Variants in PWP1 observed in about 807,000 individuals in gnomAD.
The protein encoded by PWP1 is PWP1 homolog, endonuclein.
A neutral mutation model predicts 69.9 loss-of-function variants in PWP1; 47 were observed. The ratio of observed to expected loss-of-function variants is 0.67; its 90% CI spans 0.53 to 0.86. The LOEUF (loss-of-function observed/expected upper bound fraction) is 0.86, where lower values mean the gene tolerates loss of function less well. Ranked by LOEUF, PWP1 falls within the 40% of genes least tolerant of loss-of-function variation. The probability of loss-of-function intolerance (pLI) is 0.00; values close to 1 mark genes in which losing one functional copy is unlikely to be tolerated. For missense variants in PWP1, 551 were observed against 608.8 expected, an observed-to-expected ratio of 0.91 and a Z score of 1.00; for synonymous variants, 222 against 208.2, an observed-to-expected ratio of 1.07 and a Z score of -0.57.
At chr12:107,703,940 T>C (rs1306501669) in intron 10 of PWP1, among the ~76,000 whole-genome samples, 194 bp downstream of exon 10, 1 of 152,254 alleles carries the variant, frequency 6.6e-6, no homozygotes, top group Non-Finnish European at 1.5e-5. Context: ...CATAATAATA[T>C]AACTGTAGGA....
chr12:107,703,518 C>T (rs573865603), intron 9 of PWP1, among the ~76,000 whole-genome samples, 167 bp from the exon 10 acceptor site: 250 of 152,188 alleles, frequency 1.6e-3, no homozygotes, highest in Non-Finnish European at 2.4e-3. Flanking sequence ...TATGTGGGAG[C>T]ATGGTTTGCC....
chr12:107,709,458 T>G (rs1418168065), intron 13 of PWP1, among the ~76,000 whole-genome samples: 1 of 152,038 alleles, frequency 6.6e-6, no homozygotes, highest in Non-Finnish European at 1.5e-5. Flanking sequence ...TGATTAACAG[T>G]TGCTTGGTAA....
At chr12:107,706,364 A>G (rs1889824120) in intron 11 of PWP1, among the ~76,000 whole-genome samples, 1 of 152,136 alleles carries the variant, frequency 6.6e-6, no homozygotes, top group East Asian at 1.9e-4. Context: ...CTCTGATGGT[A>G]GTTTCTTTTG....
intron 5 of PWP1, among the ~76,000 whole-genome samples, chr12:107,693,313 AT>A (rs935487870): frequency 7.9e-5 from 12 of 151,996 alleles, no homozygotes; most frequent in African/African-American, 2.9e-4. Context: ...ATGGAAATAA[AT>A]CCCCTGGAAA....
At position 107,709,161 on chromosome 12, in the gene PWP1, G is replaced by T. The variant is rs1262420338; in HGVS notation, c.1219G>T (p.Asp407Tyr). 1.2e-6 allele frequency: 2 copies of T among 1,613,974 alleles called. No individual in the cohort carries two copies. Among genetic ancestry groups the T allele is most frequent in the Non-Finnish European group, 1.7e-6 (2 of 1,179,896 alleles). ...GGGCTGTCTCGTGACTGCTTCAGCT[G>T]ACAAATACGTGAAGATCTGGGACAT... ...IKGCLVTASADKYVKIWDILG... is the reference protein window; with the variant it reads ...IKGCLVTASAYKYVKIWDILG... The change falls in exon 13 of 15, where the codon GAC becomes TAC. Residue 407 changes from aspartate (D) to tyrosine (Y), a missense_variant. Coordinates refer to ENST00000412830, the MANE Select transcript of PWP1 (RefSeq NM_007062.3).
rs149637510 is a variant in PWP1, at chr12:107,712,227, T to G, written c.*7T>G. ...TACACCCATGGAGTCTTAATGAAGA[T>G]CATCTAATTTCCTGCTTACCTTAAC... is the stretch of plus-strand genomic sequence containing the variant. On this transcript the variant is annotated 3_prime_UTR_variant, in exon 15 of 15. Transcript: ENST00000412830. 82 of 1,600,894 alleles carry G rather than the reference T, an allele frequency of 5.1e-5. 1 individual carries two copies. The East Asian group carries it at 1.8e-3, about 36-fold the overall frequency.
At chr12:107,688,348 T>C in intron 1 of PWP1, 100 bp from the exon 2 acceptor site, 1 of 948,442 alleles carries the variant, frequency 1.1e-6, no homozygotes, top group Non-Finnish European at 1.6e-6. Flanking sequence ...ATGACATTGC[T>C]TGGCGTTACA....
At position 107,703,673 on chromosome 12, in the gene PWP1, T is replaced by G. The variant is rs756611179; in HGVS notation, c.904-12T>G. ...CAACAGAGATCTCTGCATTTATGTT[T>G]CCTCCCTTTAGGTCCAAACACTGCA... On this transcript the variant is annotated splice_polypyrimidine_tract_variant and intron_variant, in intron 9 of 14. Transcript: ENST00000412830. The G allele has an allele frequency of 1.9e-6, 3 of 1,592,702 alleles. No individual in the cohort carries two copies. Among genetic ancestry groups the G allele is most frequent in the Non-Finnish European group, 2.6e-6 (3 of 1,160,660 alleles).
chr12:107,710,425 A>G lies in PWP1; in HGVS notation c.1311A>G (p.Ser437=), dbSNP rs775256548. ...DMKMGVLFCS[S]CCPDLPFIYA... ...TCTAGGGAGTTCTCTTCTGTTCTTC[A>G]TGTTGCCCTGATTTGCCATTTATTT... The change falls in exon 14 of 15, where the codon TCA becomes TCG. Residue 437 remains serine (S), a synonymous_variant. Coordinates refer to ENST00000412830, the MANE Select transcript of PWP1 (RefSeq NM_007062.3). The G allele has an allele frequency of 6.2e-7, 1 of 1,613,458 alleles. No individual in the cohort carries two copies. The highest frequency in any genetic ancestry group is 1.3e-5 in the African/African-American group (1 of 74,842).
intron 7 of PWP1, 64 bp from the exon 8 acceptor site, chr12:107,699,309 A>T: frequency 8.2e-7 from 1 of 1,217,004 alleles, no homozygotes; most frequent in Non-Finnish European, 1.2e-6. Flanking sequence ...TTTGCAGATT[A>T]ATATATTCAG....
At chr12:107,693,433 A>G (rs1019858140) in intron 5 of PWP1, among the ~76,000 whole-genome samples, 2 of 152,008 alleles carry the variant, frequency 1.3e-5, no homozygotes, top group Admixed American at 6.6e-5. Flanking sequence ...TGGCCTCCCA[A>G]AGTGCTGGGT....
chr12:107,686,758 AGATC>A (rs1406317344), intron 1 of PWP1, among the ~76,000 whole-genome samples: 1 of 152,162 alleles, frequency 6.6e-6, no homozygotes, highest in Non-Finnish European at 1.5e-5. Context: ...CGAGGTCAGG[AGATC>A]GAGAGCATCC....
At chr12:107,708,446 G>T (rs192079393) in intron 11 of PWP1, among the ~76,000 whole-genome samples, 38 of 152,196 alleles carry the variant, frequency 2.5e-4, no homozygotes, top group Admixed American at 1.6e-3. Context: ...TTTCTTGACA[G>T]TGTAACAATG....
chr12:107,710,933 G>A (rs1182441399), intron 14 of PWP1, among the ~76,000 whole-genome samples: 1 of 145,558 alleles, frequency 6.9e-6, no homozygotes, highest in Admixed American at 6.9e-5. Flanking sequence ...AGACCAGCTC[G>A]GTTGGGGAGA....
intron 10 of PWP1, 91 bp from the exon 11 acceptor site, chr12:107,704,545 T>A: frequency 1.2e-6 from 1 of 836,906 alleles, no homozygotes; most frequent in Non-Finnish European, 1.9e-6. Context: ...AATCTTGATT[T>A]CACAGTGCTA....
At chr12:107,690,782 TAAAGC>T (rs1399178986) in intron 3 of PWP1, among the ~76,000 whole-genome samples, 1 of 152,164 alleles carries the variant, frequency 6.6e-6, no homozygotes, top group South Asian at 2.1e-4. Flanking sequence ...TGTTAACTGT[TAAAGC>T]AAGGTAATTC....
chr12:107,686,057 C>T, intron 1 of PWP1, 86 bp downstream of exon 1: 2 of 1,471,074 alleles, frequency 1.4e-6, no homozygotes, highest in Non-Finnish European at 1.9e-6. Context: ...GGACCCGGAA[C>T]TCGGGGCGTT....
rs868299893 is a variant in PWP1, at chr12:107,701,416, G to A, written c.807-1519G>A. Among the ~76,000 whole-genome samples, 55 of 152,104 alleles carry A rather than the reference G, an allele frequency of 3.6e-4. 1 individual carries two copies. The highest frequency in any genetic ancestry group is 1.1e-3 in the African/African-American group (47 of 41,414). On this transcript the variant is annotated intron_variant, in intron 8 of 14. Coordinates refer to ENST00000412830, the MANE Select transcript of PWP1 (RefSeq NM_007062.3). The stretch of plus-strand genomic sequence containing the variant: ...TGGGTTGTTTTTTCACTTTCTTGGT[G>A]CTATCATTTGCAGCACAGGTTTTTC...
intron 5 of PWP1, among the ~76,000 whole-genome samples, chr12:107,695,286 C>T (rs1278906768): frequency 2.6e-5 from 4 of 151,748 alleles, no homozygotes; most frequent in African/African-American, 9.7e-5. Context: ...AAGTTATTAC[C>T]AATTTTATGT....
Sources: gnomAD v4.1 joint callset for allele counts (sites outside exome capture counted in the v4.1 genomes callset) on GRCh38, gnomAD v4.1.1 for gene constraint, MANE v1.5 for transcripts, NCBI Gene and HGNC (gene_info 2026-07-23, HGNC 2026-07-21) for gene names.